WDR89: variants seen among roughly 807,000 people sequenced by gnomAD.
The protein encoded by WDR89 is WD repeat-containing protein 89.
Under a neutral mutation model 29.1 loss-of-function variants are expected in WDR89, and 17 were observed. The ratio of observed to expected loss-of-function variants is 0.58; its 90% CI spans 0.40 to 0.88. The LOEUF (loss-of-function observed/expected upper bound fraction) is 0.88, where lower values mean the gene tolerates loss of function less well. Among genes scored for constraint, WDR89 ranks in the 40% least tolerant of loss-of-function variants. The pLI is 0.00. For missense variants in WDR89, 396 were observed against 456.3 expected (o/e 0.87, Z 1.20); for synonymous variants, 138 against 157.8 (o/e 0.87, Z 0.94).
intron 2 of WDR89, chr14:63,601,449 G>C (rs1566789067): frequency 7.8e-6 from 8 of 1,028,990 alleles, no homozygotes; most frequent in African/African-American, 3.2e-5. Flanking sequence ...TGCATGCCTA[G>C]TAACACTATA....
chr14:63,616,222 C>A (rs1295576285), intron 2 of WDR89, among the ~76,000 whole-genome samples: 2 of 152,124 alleles, frequency 1.3e-5, no homozygotes, highest in Non-Finnish European at 2.9e-5. Context: ...TGTGATTGCG[C>A]CACTGCACTC....
At position 63,597,687 on chromosome 14, in the gene WDR89, T is replaced by C. The variant is rs1229381630; in HGVS notation, c.*1092A>G. On this transcript the variant is annotated 3_prime_UTR_variant, in exon 3 of 3. Coordinates refer to ENST00000620954, the MANE Select transcript of WDR89 (RefSeq NM_080666.4). ...TTTTTATTCACTAGATAGCACTGTC[T>C]TATATTTTAAAGATTCTGAAAAACA... 2 of 152,246 alleles carry C rather than the reference T, an allele frequency of 1.3e-5. No homozygotes were observed. Among genetic ancestry groups the C allele is most frequent in the Non-Finnish European group, 2.9e-5 (2 of 68,042 alleles). 9.4% of individuals were successfully genotyped at this position (152,246 alleles called of 1,614,324 possible). A position where few individuals can be genotyped will look rare whatever the true frequency, so the allele number is the denominator to read the frequency against.
rs528697317 is a variant in WDR89, at chr14:63,628,212, C to T, written c.-137-3179G>A. Among the ~76,000 whole-genome samples, 9 of 152,228 alleles carry T rather than the reference C, an allele frequency of 5.9e-5. No individual in the cohort carries two copies. In the East Asian group the frequency reaches 1.7e-3, roughly 29 times the overall value. On this transcript the variant is annotated intron_variant, in intron 1 of 2. Transcript: ENST00000620954. ...TCAGGTGAACCATGATCACTCCAGT[C>T]CAGGCAACAGAGCAAGACCTTGTCT...
intron 1 of WDR89, among the ~76,000 whole-genome samples, chr14:63,625,879 C>A (rs370653489): frequency 5.5e-5 from 8 of 145,050 alleles, no homozygotes; most frequent in East Asian, 2.0e-4. Context: ...TTTTTTGAGA[C>A]AGTCTAGCTC....
intron 2 of WDR89, among the ~76,000 whole-genome samples, chr14:63,617,089 T>C (rs1195885749): frequency 6.7e-6 from 1 of 150,332 alleles, no homozygotes; most frequent in Non-Finnish European, 1.5e-5. Context: ...TTTTTTTTTT[T>C]TTTTTTTTGA....
At chr14:63,641,167 T>C (rs1884104455) in intron 1 of WDR89, 1 of 151,366 alleles carries the variant, frequency 6.6e-6, no homozygotes. Flanking sequence ...TTTTACAAAT[T>C]ATACCATCTT....
chr14:63,635,203 G>A (rs2139576818), intron 1 of WDR89, among the ~76,000 whole-genome samples: 1 of 152,238 alleles, frequency 6.6e-6, no homozygotes, highest in Non-Finnish European at 1.5e-5. Context: ...CAATATCCTT[G>A]ATGAACATAA....
chr14:63,606,316 AGAAATAGGCTTATG>A (rs1895318833), intron 2 of WDR89, among the ~76,000 whole-genome samples: 1 of 152,222 alleles, frequency 6.6e-6, no homozygotes, highest in African/African-American at 2.4e-5. Context: ...AAATTAAAGT[AGAAATAGGCTTATG>A]GAATAAGGAT....
chr14:63,632,084 C>A, intron 1 of WDR89, among the ~76,000 whole-genome samples: 1 of 151,486 alleles, frequency 6.6e-6, no homozygotes, highest in East Asian at 1.9e-4. Flanking sequence ...TGCACTCCAG[C>A]CTGAGCAACA....
In WDR89 at chr14:63,606,294, A is replaced by C. The variant is rs143786375; in HGVS notation, c.-31-6321T>G. 1.6e-3 allele frequency among the ~76,000 whole-genome samples: 241 copies of C among 152,330 alleles called. 1 individual carries two copies. Among genetic ancestry groups the C allele is most frequent in the African/African-American group, 5.6e-3 (231 of 41,580 alleles). ...AGAGTTTTAGAAGTAAAATTAGAAA[A>C]TAATAAAATAAAAATTAAAGTAGAA... On this transcript the variant is annotated intron_variant, in intron 2 of 2. Coordinates refer to ENST00000620954, the MANE Select transcript of WDR89 (RefSeq NM_080666.4).
intron 2 of WDR89, among the ~76,000 whole-genome samples, chr14:63,600,717 C>CAAAAAAAAAA (rs56059698): frequency 5.2e-4 from 19 of 36,204 alleles, no homozygotes; most frequent in African/African-American, 1.1e-3. Flanking sequence ...GATATGTAGG[C>CAAAAAAAAAA]AAAAAAAAAA....
At chr14:63,601,811 CTGAAA>C in intron 2 of WDR89, 1 of 1,058,878 alleles carries the variant, frequency 9.4e-7, no homozygotes, top group Non-Finnish European at 1.5e-6. Flanking sequence ...AGTACGTAAA[CTGAAA>C]TAAGTCACTA....
intron 2 of WDR89, among the ~76,000 whole-genome samples, chr14:63,622,659 C>A (rs564746227): frequency 6.6e-6 from 1 of 151,096 alleles, no homozygotes; most frequent in Non-Finnish European, 1.5e-5. Flanking sequence ...CCCAGCTACT[C>A]GGGAGGCTGA....
chr14:63,625,680 T>A (rs1882988886), intron 1 of WDR89, among the ~76,000 whole-genome samples: 2 of 152,126 alleles, frequency 1.3e-5, no homozygotes, highest in Admixed American at 6.6e-5. Flanking sequence ...ACAGATGTCT[T>A]CTGTTTGTAA....
chr14:63,607,263 C>T (rs779808554), intron 2 of WDR89, among the ~76,000 whole-genome samples: 3 of 152,018 alleles, frequency 2.0e-5, no homozygotes, highest in Non-Finnish European at 4.4e-5. Flanking sequence ...CCCGGGTTCA[C>T]GCCATTCTCC....
rs1318497582 is a variant in WDR89 at position 63,599,933 on chromosome 14, T to C, written c.10A>G (p.Ile4Val). The C allele has an allele frequency of 1.9e-6, 3 of 1,595,472 alleles. No individual in the cohort carries two copies. The Admixed American group carries it at 5.2e-5, about 27-fold the overall frequency. ...TGCAGATTAGCAAATTGTTCCTCAA[T>C]CTTTTCCATGTCAACAGCAGCATCC... is the stretch of plus-strand genomic sequence containing the variant. MEKIEEQFANLHIV... is the reference protein window; with the variant it reads MEKVEEQFANLHIV... Residue 4 changes from isoleucine (I) to valine (V), a missense_variant, in exon 3 of 3, where the codon ATT (isoleucine) becomes GTT (valine). Ile to Val is a conservative substitution (Grantham distance 29). Coordinates refer to ENST00000620954, the MANE Select transcript of WDR89 (RefSeq NM_080666.4).
intron 1 of WDR89, among the ~76,000 whole-genome samples, chr14:63,635,868 C>T (rs553406917): frequency 8.5e-5 from 13 of 152,276 alleles, no homozygotes; most frequent in Non-Finnish European, 1.8e-4. Context: ...AGAACTCAAC[C>T]CCTTTTACAA....
intron 2 of WDR89, among the ~76,000 whole-genome samples, chr14:63,603,531 C>T (rs771936160): frequency 5.9e-5 from 9 of 152,144 alleles, no homozygotes; most frequent in Non-Finnish European, 1.0e-4. Context: ...ATTCTTTCTA[C>T]CTTAGCAGGC....
chr14:63,602,462 CA>C (rs58161137), intron 2 of WDR89, among the ~76,000 whole-genome samples: 2,941 of 35,614 alleles, frequency 0.083, 44 homozygotes, highest in African/African-American at 0.2. Flanking sequence ...GATTCCTACT[CA>C]AAAAAAAAAA....
Sources: allele counts gnomAD v4.1 joint callset (sites outside exome capture counted in the v4.1 genomes callset), GRCh38; gene constraint gnomAD v4.1.1; transcripts MANE v1.5; gene names NCBI Gene and HGNC (gene_info 2026-07-23, HGNC 2026-07-21).